The following SGCD variants were observed in gnomAD, a reference collection of about 807,000 sequenced individuals.
The protein encoded by SGCD is sarcoglycan delta.
A neutral mutation model predicts 36.6 loss-of-function variants in SGCD; 18 were observed. The observed-to-expected ratio is 0.49, with a 90% CI of 0.34 to 0.73. SGCD has a LOEUF of 0.73. Among genes scored for constraint, SGCD ranks in the 30% least tolerant of loss-of-function variants. SGCD has a pLI of 0.01. For synonymous variants in SGCD, 133 were observed against 130.6 expected (o/e 1.02, Z -0.12); for missense variants, 387 against 346.7 (o/e 1.12, Z -0.92).
At chr5:155,892,034 T>A (rs529155246) in intron 1 of SGCD, among the ~76,000 whole-genome samples, 1 of 152,336 alleles carries the variant, frequency 6.6e-6, no homozygotes, top group African/African-American at 2.4e-5. Context: ...TTTTTGTTTT[T>A]AAATGTGGTC....
intron 3 of SGCD, among the ~76,000 whole-genome samples, chr5:156,478,620 T>A (rs1322819296): frequency 6.6e-6 from 1 of 152,132 alleles, no homozygotes; most frequent in African/African-American, 2.4e-5. Flanking sequence ...TCGCTGTGTC[T>A]CCCAGGCTGG....
chr5:155,737,629 G>A, the SGCD span, among the ~76,000 whole-genome samples: 1 of 152,196 alleles, frequency 6.6e-6, no homozygotes, highest in African/African-American at 2.4e-5. Flanking sequence ...AGGCAGAGCT[G>A]TTTTTCCTAG....
chr5:156,656,306 C>A (rs928431698), intron 7 of SGCD, among the ~76,000 whole-genome samples: 2 of 151,980 alleles, frequency 1.3e-5, no homozygotes, highest in Admixed American at 1.3e-4. Flanking sequence ...GAAATGTCAC[C>A]GCCCAATACA....
chr5:156,361,830 A>C (rs1018975746), intron 3 of SGCD, among the ~76,000 whole-genome samples: 5 of 152,218 alleles, frequency 3.3e-5, no homozygotes, highest in African/African-American at 1.2e-4. Context: ...TAAAGAGGTA[A>C]ACTAAAATAA....
chr5:155,858,470 A>G, the SGCD span, among the ~76,000 whole-genome samples: 1 of 152,192 alleles, frequency 6.6e-6, no homozygotes, highest in Non-Finnish European at 1.5e-5. Flanking sequence ...CTCTAAATTT[A>G]TATCATCTTT....
intron 1 of SGCD, among the ~76,000 whole-genome samples, chr5:155,982,301 C>T (rs562883177): frequency 1.1e-4 from 16 of 152,138 alleles, no homozygotes; most frequent in Non-Finnish European, 2.2e-4. Context: ...AGTCCATTCT[C>T]AATACATGTT....
At chr5:156,335,648 C>T (rs1405551696) in intron 2 of SGCD, among the ~76,000 whole-genome samples, 1 of 152,176 alleles carries the variant, frequency 6.6e-6, no homozygotes, top group African/African-American at 2.4e-5. Context: ...TTCCCCTGCA[C>T]ACTCCATCCC....
At chr5:155,910,781 C>T (rs957825365) in intron 1 of SGCD, among the ~76,000 whole-genome samples, 2 of 152,022 alleles carry the variant, frequency 1.3e-5, no homozygotes, top group South Asian at 2.1e-4. Flanking sequence ...CAAAAAAATT[C>T]CCAGTTTTAG....
intron 3 of SGCD, among the ~76,000 whole-genome samples, chr5:156,189,070 C>T (rs577304738): frequency 4.6e-5 from 7 of 152,098 alleles, no homozygotes; most frequent in Non-Finnish European, 1.0e-4. Flanking sequence ...CTTCAGAGGG[C>T]CAGGGGAAGC....
intron 6 of SGCD, among the ~76,000 whole-genome samples, chr5:156,638,060 T>C (rs1484484497): frequency 6.6e-6 from 1 of 152,094 alleles, no homozygotes; most frequent in Non-Finnish European, 1.5e-5. Flanking sequence ...CACCACCCAC[T>C]TGCCTGGCCA....
At chr5:156,034,782 G>A (rs1759447841) in intron 1 of SGCD, among the ~76,000 whole-genome samples, 2 of 152,156 alleles carry the variant, frequency 1.3e-5, no homozygotes, top group African/African-American at 4.8e-5. Context: ...CATGCAAGCA[G>A]GAACTATGTT....
chr5:156,552,532 T>C (rs555073354), intron 4 of SGCD, among the ~76,000 whole-genome samples: 51 of 152,072 alleles, frequency 3.4e-4, no homozygotes, highest in Non-Finnish European at 5.3e-4. Context: ...TAGAGGCGAG[T>C]CCAAACAGAA....
chr5:155,730,445 CTGTGTG>C, the SGCD span, among the ~76,000 whole-genome samples: 27 of 137,300 alleles, frequency 2.0e-4, no homozygotes, highest in African/African-American at 6.9e-4. Flanking sequence ...GGTAGAGCAG[CTGTGTG>C]TGTGTGTGTG....
At chr5:156,567,357 G>A (rs539982865) in intron 4 of SGCD, among the ~76,000 whole-genome samples, 40 of 142,696 alleles carry the variant, frequency 2.8e-4, no homozygotes, top group South Asian at 7.4e-4. Context: ...GGCAGGGAGG[G>A]AGGGAGGGAT....
At chr5:156,674,326 G>A (rs541506224) in intron 7 of SGCD, among the ~76,000 whole-genome samples, 72 of 152,318 alleles carry the variant, frequency 4.7e-4, no homozygotes, top group African/African-American at 1.7e-3. Context: ...CGTGAGCCAT[G>A]CAGCAACTAA....
At chr5:156,738,804 G>A (rs1435082306) in intron 7 of SGCD, 1 of 152,058 alleles carries the variant, frequency 6.6e-6, no homozygotes, top group Non-Finnish European at 1.5e-5. Flanking sequence ...TCCACATTTC[G>A]TCTTTATAAC....
intron 7 of SGCD, among the ~76,000 whole-genome samples, chr5:156,723,151 A>T (rs1009094224): frequency 6.6e-6 from 1 of 152,228 alleles, no homozygotes; most frequent in African/African-American, 2.4e-5. Flanking sequence ...TTTAAATGAT[A>T]TATCTGCCAG....
chr5:156,044,857 C>T (rs750400909), intron 1 of SGCD, among the ~76,000 whole-genome samples: 3 of 152,078 alleles, frequency 2.0e-5, no homozygotes, highest in Admixed American at 2.0e-4. Context: ...CACACACACA[C>T]ATGTTTTACA....
At chr5:155,749,837 G>A in the SGCD span, among the ~76,000 whole-genome samples, 1 of 151,968 alleles carries the variant, frequency 6.6e-6, no homozygotes, top group African/African-American at 2.4e-5. Flanking sequence ...AAATATTTTG[G>A]CAGACTCTTT....
Sources: allele counts gnomAD v4.1 joint callset (sites outside exome capture counted in the v4.1 genomes callset), GRCh38; gene constraint gnomAD v4.1.1; transcripts MANE v1.5; gene names NCBI Gene and HGNC (gene_info 2026-07-23, HGNC 2026-07-21).